ZC3H14: variants seen among roughly 807,000 people sequenced by gnomAD.
ZC3H14 encodes zinc finger CCCH domain-containing protein 14.
Under a neutral mutation model 92.4 loss-of-function variants are expected in ZC3H14, and 31 were observed. The observed-to-expected ratio is 0.34, with a 90% CI of 0.25 to 0.45. The LOEUF is 0.45. ZC3H14 is among the 20% of genes least tolerant of loss of function. The pLI, the probability that ZC3H14 is intolerant of heterozygous loss-of-function variation, is 1.00. For synonymous variants in ZC3H14, 321 were observed against 300.9 expected (o/e 1.07, Z -0.69); for missense variants, 781 against 897.3 (o/e 0.87, Z 1.66).
Position 88,603,063 on chromosome 14 carries a change from GT to G in ZC3H14, c.1747+4del, listed in dbSNP as rs2084874854. 1 of 1,613,830 alleles carries G rather than the reference GT, an allele frequency of 6.2e-7. No individual in the cohort carries two copies. The highest frequency in any genetic ancestry group is 8.5e-7 in the Non-Finnish European group (1 of 1,179,852). ...CCCAAATGGTAGCTTTTCTAACGGTGTGTTGAGAGCTCAGATTTTCAGGGTG... is the reference window on the plus strand; with the variant it reads ...CCCAAATGGTAGCTTTTCTAACGGTGGTTGAGAGCTCAGATTTTCAGGGTG... On this transcript the variant is annotated splice_donor_region_variant and intron_variant, in intron 12 of 16. Coordinates refer to ENST00000251038, the MANE Select transcript of ZC3H14 (RefSeq NM_024824.5).
chr14:88,579,947 C>T (rs1300697697), intron 9 of ZC3H14, among the ~76,000 whole-genome samples: 10 of 152,242 alleles, frequency 6.6e-5, no homozygotes, highest in Admixed American at 6.5e-4. Flanking sequence ...TGCAGTGGCT[C>T]ATGCCTGTAA....
chr14:88,592,478 T>C (rs1330139165), intron 9 of ZC3H14: 1 of 151,120 alleles, frequency 6.6e-6, no homozygotes. Context: ...ACTACCATTC[T>C]TTATAAGGAT....
chr14:88,578,912 A>G (rs1434833828), intron 9 of ZC3H14, among the ~76,000 whole-genome samples: 1 of 147,448 alleles, frequency 6.8e-6, no homozygotes, highest in Non-Finnish European at 1.5e-5. Context: ...CCTCCTCCTC[A>G]TTACCCAGAA....
rs1566955251 is a variant in ZC3H14, at chr14:88,596,679, A to G, written c.1280-55A>G. On this transcript the variant is annotated intron_variant, in intron 9 of 16. Transcript: ENST00000251038. ...AGAAGGATTGATTTTTGGGAACCAC[A>G]TGCTGGTATTGTCTGTGTTGTAAGC... is the stretch of plus-strand genomic sequence containing the variant. The G allele has an allele frequency of 1.1e-5, 16 of 1,482,528 alleles. No individual in the cohort carries two copies. The South Asian group carries it at 1.7e-4, about 16-fold the overall frequency. The allele number at this position is 1,482,528 out of a possible 1,614,324, so 91.8% of individuals were successfully genotyped here.
chr14:88,604,836 C>T (rs1810048977), intron 12 of ZC3H14, among the ~76,000 whole-genome samples: 1 of 151,176 alleles, frequency 6.6e-6, no homozygotes, highest in South Asian at 2.1e-4. Context: ...TCAAGTGATC[C>T]ACCAACCTCG....
In ZC3H14 at chr14:88,615,525, C is replaced by G; in HGVS notation, c.*3774C>G. 1 of 322,136 alleles carries G rather than the reference C, an allele frequency of 3.1e-6. No homozygotes were observed. The highest frequency in any genetic ancestry group is 4.9e-5 in the East Asian group (1 of 20,226). 20.0% of individuals were successfully genotyped at this position (322,136 alleles called of 1,614,324 possible). A position where few individuals can be genotyped will look rare whatever the true frequency, so the allele number is the denominator to read the frequency against. ...AGTGCTCTACCCTAAATTTTCCCAG[C>G]AGGTCTGCCGAAATCACACACTTCC... On this transcript the variant is annotated 3_prime_UTR_variant, in exon 17 of 17. Transcript: ENST00000251038.
intron 10 of ZC3H14, among the ~76,000 whole-genome samples, chr14:88,600,686 AT>A (rs2084505463): frequency 6.6e-6 from 1 of 152,118 alleles, no homozygotes; most frequent in African/African-American, 2.4e-5. Context: ...TCCTGGGCTT[AT>A]GGAATCCTTG....
Position 88,620,956 on chromosome 14 carries a change from CAT to C in ZC3H14, c.*9207_*9208del. On this transcript the variant is annotated 3_prime_UTR_variant, in exon 17 of 17. Transcript: ENST00000251038. The surrounding 1 kb of genome is among the most constrained non-coding windows in gnomAD (Gnocchi z 4.3). ...ATTTAAAAAAAAAAAAAAAAAGAGT[CAT>C]AGGAAACATTAAGTGAAGTACTTCT... The C allele has an allele frequency of 7.4e-7, 1 of 1,349,866 alleles. No individual in the cohort carries two copies. Among genetic ancestry groups the C allele is most frequent in the Non-Finnish European group, 9.9e-7 (1 of 1,007,530 alleles). 83.6% of individuals were successfully genotyped at this position (1,349,866 alleles called of 1,614,324 possible).
Position 88,618,091 on chromosome 14 carries a change from A to G in ZC3H14, c.*6340A>G, listed in dbSNP as rs1356513581. On this transcript the variant is annotated 3_prime_UTR_variant, in exon 17 of 17. Coordinates refer to ENST00000251038, the MANE Select transcript of ZC3H14 (RefSeq NM_024824.5). ...TAAAAAGGGGTCCCAACATGAACAT[A>G]CCATTTCAAAATATGGTAACAAAAA... 3 of 591,280 alleles carry G rather than the reference A, an allele frequency of 5.1e-6. No homozygotes were observed. Among genetic ancestry groups the G allele is most frequent in the Non-Finnish European group, 8.8e-6 (3 of 342,602 alleles). The allele number at this position is 591,280 out of a possible 1,614,324, so 36.6% of individuals were successfully genotyped here.
In ZC3H14 at chr14:88,621,273, G is replaced by T. The variant is rs1291006336; in HGVS notation, c.*9522G>T. ...TTTCTCTCCAACTTCGATTATTTCAGCATTCCTTGTCCCAACAAGGATCTT... is the reference window on the plus strand; with the variant it reads ...TTTCTCTCCAACTTCGATTATTTCATCATTCCTTGTCCCAACAAGGATCTT... On this transcript the variant is annotated 3_prime_UTR_variant, in exon 17 of 17. Transcript: ENST00000251038. 1 of 1,613,772 alleles carries T rather than the reference G, an allele frequency of 6.2e-7. No homozygotes were observed. Among genetic ancestry groups the T allele is most frequent in the Admixed American group, 1.7e-5 (1 of 59,992 alleles).
At chr14:88,610,350 A>G (rs912243764) in intron 15 of ZC3H14, among the ~76,000 whole-genome samples, 19 of 152,288 alleles carry the variant, frequency 1.2e-4, no homozygotes, top group African/African-American at 4.6e-4. Context: ...GTGGTATGCT[A>G]AACTACCTTT....
chr14:88,601,667 G>T (rs1197796993), intron 10 of ZC3H14, among the ~76,000 whole-genome samples: 1 of 152,132 alleles, frequency 6.6e-6, no homozygotes, highest in African/African-American at 2.4e-5. Context: ...CCTCACCTGA[G>T]AACCTTTCTC....
At chr14:88,596,909 C>G in intron 10 of ZC3H14, 101 bp downstream of exon 10, 1 of 967,102 alleles carries the variant, frequency 1.0e-6, no homozygotes, top group East Asian at 2.5e-5. Context: ...AGATCCTGCC[C>G]TAAGATGTTA....
chr14:88,602,162 C>T, intron 11 of ZC3H14, 79 bp downstream of exon 11: 1 of 1,590,946 alleles, frequency 6.3e-7, no homozygotes, highest in Non-Finnish European at 8.6e-7. Flanking sequence ...CAGCTTCCCT[C>T]CTCCCCGCCC....
At chr14:88,566,120 T>G (rs965094858) in intron 2 of ZC3H14, among the ~76,000 whole-genome samples, 1 of 148,360 alleles carries the variant, frequency 6.7e-6, no homozygotes, top group Non-Finnish European at 1.5e-5. Flanking sequence ...CCTTAGGTGA[T>G]CCACTTGTCT....
intron 9 of ZC3H14, chr14:88,591,403 A>G (rs1019521076): frequency 1.3e-5 from 2 of 152,304 alleles, no homozygotes; most frequent in Admixed American, 1.3e-4. Flanking sequence ...GCGCCACTCC[A>G]CTGTAGCCTG....
chr14:88,584,389 T>C (rs939168518), intron 9 of ZC3H14, among the ~76,000 whole-genome samples: 4 of 152,346 alleles, frequency 2.6e-5, no homozygotes, highest in South Asian at 2.1e-4. Flanking sequence ...ACATAAAATA[T>C]ATGTAGCTAC....
rs750386971 is a variant in ZC3H14 at position 88,611,780 on chromosome 14, G to A, written c.*29G>A. ...CCAGTCCTGCCTGGCAGAAGATCATGCAGTTTGGAAGTTTTCATGTACTGA... is the reference window on the plus strand; with the variant it reads ...CCAGTCCTGCCTGGCAGAAGATCATACAGTTTGGAAGTTTTCATGTACTGA... On this transcript the variant is annotated 3_prime_UTR_variant, in exon 17 of 17. Transcript: ENST00000251038. 4 of 1,613,810 alleles carry A rather than the reference G, an allele frequency of 2.5e-6. No homozygotes were observed. Among genetic ancestry groups the A allele is most frequent in the Non-Finnish European group, 2.5e-6 (3 of 1,179,904 alleles).
rs372171487 is a variant in ZC3H14 at position 88,613,621 on chromosome 14, G to A, written c.*1870G>A. 2.6e-5 allele frequency: 4 copies of A among 152,176 alleles called. No individual in the cohort carries two copies. The highest frequency in any genetic ancestry group is 3.9e-4 in the East Asian group (2 of 5,164). The allele number at this position is 152,176 out of a possible 1,614,324, so 9.4% of individuals were successfully genotyped here. ...GTTGACCATAAAACATTTGTTGGATGACGTGGTTTAAAATGATCACCACAA... is the reference window on the plus strand; with the variant it reads ...GTTGACCATAAAACATTTGTTGGATAACGTGGTTTAAAATGATCACCACAA... On this transcript the variant is annotated 3_prime_UTR_variant, in exon 17 of 17. Coordinates refer to ENST00000251038, the MANE Select transcript of ZC3H14 (RefSeq NM_024824.5).
Sources: gnomAD v4.1 joint callset for allele counts (sites outside exome capture counted in the v4.1 genomes callset) on GRCh38, gnomAD v4.1.1 for gene constraint, Gnocchi (gnomAD v3.1) non-coding constraint, MANE v1.5 for transcripts, NCBI Gene and HGNC (gene_info 2026-07-23, HGNC 2026-07-21) for gene names.